The following KCNQ5 variants were observed in gnomAD, a reference collection of about 807,000 sequenced individuals.
KCNQ5 encodes potassium voltage-gated channel subfamily Q member 5, also known as potassium voltage-gated channel subfamily KQT member 5.
In KCNQ5, 30 loss-of-function variants were observed where a neutral mutation model predicts 98.2. The observed-to-expected ratio is 0.31, with a 90% CI of 0.23 to 0.41. The LOEUF (loss-of-function observed/expected upper bound fraction) is 0.41. Ranked by LOEUF, KCNQ5 falls within the 10% of genes least tolerant of loss-of-function variation. The probability of loss-of-function intolerance (pLI) is 1.00; values close to 1 mark genes in which losing one functional copy is unlikely to be tolerated. For synonymous variants in KCNQ5, 458 were observed against 449.4 expected (o/e 1.02, Z -0.24); for missense variants, 835 against 1,182.5 (o/e 0.71, Z 4.31).
intron 1 of KCNQ5, among the ~76,000 whole-genome samples, chr6:72,752,181 CGTT>C (rs1561960395): frequency 6.6e-6 from 1 of 152,074 alleles, no homozygotes; most frequent in African/African-American, 2.4e-5. Context: ...GCATGAAAGA[CGTT>C]GTCCTTTTTC....
chr6:72,984,100 C>T (rs541823606), intron 1 of KCNQ5, among the ~76,000 whole-genome samples: 46 of 152,274 alleles, frequency 3.0e-4, no homozygotes, highest in Non-Finnish European at 5.4e-4. Context: ...AGAGGGGCAT[C>T]GGGCTGTATG....
intron 7 of KCNQ5, 79 bp downstream of exon 7, chr6:73,111,482 C>A: frequency 1.1e-6 from 1 of 910,844 alleles, no homozygotes; most frequent in Non-Finnish European, 1.7e-6. Flanking sequence ...CTCTGTGCTT[C>A]ATTGCTTGGT....
Position 73,111,415 on chromosome 6 carries a change from T to C in KCNQ5, c.1125+12T>C, listed in dbSNP as rs1377081066. The C allele has an allele frequency of 1.9e-6, 3 of 1,566,660 alleles. No homozygotes were observed. In the East Asian group the frequency reaches 6.7e-5, roughly 35 times the overall value. On this transcript the variant is annotated intron_variant, in intron 7 of 13. Coordinates refer to ENST00000370398, the MANE Select transcript of KCNQ5 (RefSeq NM_019842.4). ...CCAACCTCATTCAGGTAAATGTCAATGTAATAGGTAGATGGCAACATTTGT... is the reference window on the plus strand; with the variant it reads ...CCAACCTCATTCAGGTAAATGTCAACGTAATAGGTAGATGGCAACATTTGT...
At chr6:73,155,439 C>T (rs144674591) in intron 10 of KCNQ5, among the ~76,000 whole-genome samples, 24 of 152,192 alleles carry the variant, frequency 1.6e-4, no homozygotes, top group South Asian at 8.3e-4. Flanking sequence ...GGTGTGTAGA[C>T]GATACCCCTT....
At chr6:73,055,676 C>A in intron 3 of KCNQ5, 1 of 1,134,746 alleles carries the variant, frequency 8.8e-7, no homozygotes, top group South Asian at 1.2e-5. Context: ...TGACAAGCAT[C>A]TGAAGGGTCT....
chr6:72,737,384 TCAAA>T (rs1770904158), intron 1 of KCNQ5, among the ~76,000 whole-genome samples: 1 of 152,086 alleles, frequency 6.6e-6, no homozygotes, highest in Non-Finnish European at 1.5e-5. Flanking sequence ...TAATCAGCAA[TCAAA>T]CAAAGCTTGC....
At chr6:73,114,058 C>T (rs1201824872) in intron 7 of KCNQ5, among the ~76,000 whole-genome samples, 1 of 152,078 alleles carries the variant, frequency 6.6e-6, no homozygotes, top group Non-Finnish European at 1.5e-5. Flanking sequence ...AAAGCAAGTG[C>T]TCCTTCATTT....
chr6:73,190,465 T>C (rs1409168141), intron 11 of KCNQ5, 108 bp from the exon 12 acceptor site: 2 of 520,286 alleles, frequency 3.8e-6, no homozygotes, highest in Non-Finnish European at 6.1e-6. Context: ...AATAATTTGA[T>C]GCATGACTTT....
intron 1 of KCNQ5, among the ~76,000 whole-genome samples, chr6:72,961,905 G>A: frequency 6.6e-6 from 1 of 151,846 alleles, no homozygotes; most frequent in Non-Finnish European, 1.5e-5. Flanking sequence ...GGCCAGGTGG[G>A]TTGGCTCACA....
chr6:73,108,841 A>C (rs959209752), intron 6 of KCNQ5, among the ~76,000 whole-genome samples: 1 of 152,198 alleles, frequency 6.6e-6, no homozygotes. Context: ...AAAATAAAAA[A>C]TAAAAAAAAT....
chr6:72,983,922 C>T (rs1768607275), intron 1 of KCNQ5, among the ~76,000 whole-genome samples: 1 of 152,158 alleles, frequency 6.6e-6, no homozygotes, highest in African/African-American at 2.4e-5. Context: ...TTCCTTCTAA[C>T]AGTCAGGTCC....
chr6:72,911,296 C>G (rs1232065505), intron 1 of KCNQ5, among the ~76,000 whole-genome samples: 2 of 151,994 alleles, frequency 1.3e-5, no homozygotes, highest in African/African-American at 2.4e-5. Flanking sequence ...AGGGTGGAGC[C>G]CTGATGAATG....
At position 72,638,987 on chromosome 6, in the gene KCNQ5, C is replaced by A. The variant is rs17749123; in HGVS notation, c.398+16400C>A. On this transcript the variant is annotated intron_variant, in intron 1 of 13. Coordinates refer to ENST00000370398, the MANE Select transcript of KCNQ5 (RefSeq NM_019842.4). ...GAATCAAAATGTTCTTGGTTCCAAG[C>A]AAGTGTGACTGTGACCACGCAGAAG... is the stretch of plus-strand genomic sequence containing the variant. 9.2e-3 allele frequency among the ~76,000 whole-genome samples: 1,405 copies of A among 152,250 alleles called. 12 individuals are homozygous for A. The highest frequency in any genetic ancestry group is 0.02 in the East Asian group (106 of 5,178).
intron 10 of KCNQ5, among the ~76,000 whole-genome samples, chr6:73,146,307 G>A (rs926635644): frequency 1.3e-5 from 2 of 152,122 alleles, no homozygotes; most frequent in African/African-American, 4.8e-5. Context: ...CTAAGATGAA[G>A]TACTGTTTTA....
intron 1 of KCNQ5, among the ~76,000 whole-genome samples, chr6:72,853,657 T>G (rs1261972717): frequency 1.3e-5 from 2 of 152,216 alleles, no homozygotes; most frequent in Non-Finnish European, 2.9e-5. Context: ...CAGCCCTGGC[T>G]GATGTGCAGC....
chr6:73,022,521 A>T (rs1017234828), intron 2 of KCNQ5, among the ~76,000 whole-genome samples: 1 of 152,016 alleles, frequency 6.6e-6, no homozygotes, highest in Non-Finnish European at 1.5e-5. Context: ...AAGTGGGAGG[A>T]TTGCTTGAGC....
In KCNQ5 at chr6:73,120,477, A is replaced by G. The variant is rs762319678; in HGVS notation, c.1126-6A>G. On this transcript the variant is annotated splice_region_variant and splice_polypyrimidine_tract_variant and intron_variant, in intron 7 of 13. Coordinates refer to ENST00000370398, the MANE Select transcript of KCNQ5 (RefSeq NM_019842.4). Reference sequence around the variant, plus strand: ...TTTTTCATGTCCCCATCTATGCCACATGCAGTGTGTTTGGCGTAGTTACGC... The same window carrying G: ...TTTTTCATGTCCCCATCTATGCCACGTGCAGTGTGTTTGGCGTAGTTACGC... The G allele has an allele frequency of 1.2e-6, 2 of 1,606,200 alleles. No homozygotes were observed. The highest frequency in any genetic ancestry group is 2.2e-5 in the East Asian group (1 of 44,792).
At chr6:72,710,671 T>C (rs1769320443) in intron 1 of KCNQ5, among the ~76,000 whole-genome samples, 1 of 152,142 alleles carries the variant, frequency 6.6e-6, no homozygotes, top group African/African-American at 2.4e-5. Context: ...CACCCAACAT[T>C]GGAGCATCTA....
intron 3 of KCNQ5, among the ~76,000 whole-genome samples, chr6:73,046,079 C>G (rs911220990): frequency 1.3e-5 from 2 of 152,182 alleles, no homozygotes; most frequent in South Asian, 4.2e-4. Context: ...TCTAATATAT[C>G]TATGATTTCA....
Sources: gnomAD v4.1 joint callset for allele counts (sites outside exome capture counted in the v4.1 genomes callset) on GRCh38, gnomAD v4.1.1 for gene constraint, MANE v1.5 for transcripts, NCBI Gene and HGNC (gene_info 2026-07-23, HGNC 2026-07-21) for gene names.